The following MYH10 variants were observed in gnomAD, a reference collection of about 807,000 sequenced individuals.
MYH10 encodes the protein myosin heavy chain 10.
Under a neutral mutation model 257.8 loss-of-function variants are expected in MYH10, and 55 were observed. The observed-to-expected ratio is 0.21, with a 90% confidence interval of 0.17 to 0.27. The LOEUF (loss-of-function observed/expected upper bound fraction) is 0.27. Ranked by LOEUF, MYH10 falls within the 10% of genes least tolerant of loss-of-function variation. MYH10 has a pLI of 1.00. For missense variants in MYH10, 1,631 were observed against 2,500.6 expected, an observed-to-expected ratio of 0.65 and a Z score of 7.42; for synonymous variants, 854 against 921.7, an observed-to-expected ratio of 0.93 and a Z score of 1.33.
Position 8,506,546 on chromosome 17 carries a change from A to C in MYH10, c.3215-57T>G. 2 of 1,547,298 alleles carry C rather than the reference A, an allele frequency of 1.3e-6. No homozygotes were observed. Among genetic ancestry groups the C allele is most frequent in the Non-Finnish European group, 1.8e-6 (2 of 1,140,476 alleles). On this transcript the variant is annotated intron_variant, in intron 26 of 42. Transcript: ENST00000360416. This position sits in a 1 kb window ranked among gnomAD's most constrained non-coding sequence, Gnocchi z 5.0. ...ACACCGAGTGACTCACCACAGGAATAAACTAAAATACAGACTGATCCAAGT... is the reference window on the plus strand; with the variant it reads ...ACACCGAGTGACTCACCACAGGAATCAACTAAAATACAGACTGATCCAAGT...
Position 8,490,660 on chromosome 17 carries a change from TC to T in MYH10, c.4672-109del. Reference sequence around the variant, plus strand: ...ACTCGTGGCATGCTGGCCACTTTGGTCCCCCTGGGCCGGCCCCCTGCCACAT... The same window carrying T: ...ACTCGTGGCATGCTGGCCACTTTGGTCCCCTGGGCCGGCCCCCTGCCACAT... On this transcript the variant is annotated intron_variant, in intron 34 of 42. Transcript: ENST00000360416. This position sits in a 1 kb window ranked among gnomAD's most constrained non-coding sequence, Gnocchi z 4.1. 3 of 1,107,922 alleles carry T rather than the reference TC, an allele frequency of 2.7e-6. No individual in the cohort carries two copies. Among genetic ancestry groups the T allele is most frequent in the Non-Finnish European group, 2.7e-6 (2 of 743,524 alleles). The allele number at this position is 1,107,922 out of a possible 1,614,324, so 68.6% of individuals were successfully genotyped here. A position where few individuals can be genotyped will look rare whatever the true frequency, so the allele number is the denominator to read the frequency against.
At chr17:8,544,064 T>G (rs1329763800) in intron 13 of MYH10, among the ~76,000 whole-genome samples, 1 of 152,222 alleles carries the variant, frequency 6.6e-6, no homozygotes, top group Non-Finnish European at 1.5e-5. Flanking sequence ...GATCTTTCCT[T>G]AGTGTATAAA....
At chr17:8,630,352 G>C (rs1423835388) in intron 1 of MYH10, among the ~76,000 whole-genome samples, 1 of 150,498 alleles carries the variant, frequency 6.6e-6, no homozygotes, top group East Asian at 2.0e-4. Flanking sequence ...GCACACCCAG[G>C]CCCTGACCCC....
In MYH10 at chr17:8,475,539, G is replaced by T; in HGVS notation, c.*265C>A. On this transcript the variant is annotated 3_prime_UTR_variant, in exon 43 of 43. Coordinates refer to ENST00000360416, the MANE Select transcript of MYH10 (RefSeq NM_001256012.3). ...GGGTCTTACCATGTTTTATAAAATG[G>T]TCTCTTGATGACTATATGGAAAATA... is the stretch of plus-strand genomic sequence containing the variant. 1 of 377,188 alleles carries T rather than the reference G, an allele frequency of 2.7e-6. No homozygotes were observed. Among genetic ancestry groups the T allele is most frequent in the Non-Finnish European group, 4.8e-6 (1 of 210,504 alleles). The allele number at this position is 377,188 out of a possible 1,614,324, so 23.4% of individuals were successfully genotyped here.
At chr17:8,553,791 G>C (rs1413135650) in intron 8 of MYH10, 164 bp downstream of exon 8, 1 of 568,184 alleles carries the variant, frequency 1.8e-6, no homozygotes, top group Non-Finnish European at 3.2e-6. Context: ...AAACAACTTG[G>C]AGTTAATATT....
intron 13 of MYH10, 55 bp from the exon 14 acceptor site, chr17:8,542,335 A>C: frequency 6.6e-7 from 1 of 1,524,968 alleles, no homozygotes; most frequent in Non-Finnish European, 9.0e-7. Flanking sequence ...GGAAAATGGG[A>C]ATAATTAGTT....
At chr17:8,621,049 T>C (rs11654737) in intron 2 of MYH10, among the ~76,000 whole-genome samples, 3,975 of 152,302 alleles carry the variant, frequency 0.026, 78 homozygotes, top group Middle Eastern at 0.058. Flanking sequence ...CTGTCCTTTC[T>C]TTCATTCCTT....
intron 2 of MYH10, among the ~76,000 whole-genome samples, chr17:8,614,304 C>CTTTTTT (rs1246350327): frequency 6.5e-5 from 7 of 107,232 alleles, no homozygotes; most frequent in East Asian, 2.7e-4. Context: ...AAGCAATTCA[C>CTTTTTT]TTCTTTTTTT....
At chr17:8,480,975 A>T (rs1913660779) in intron 38 of MYH10, among the ~76,000 whole-genome samples, 1 of 1,322 alleles carries the variant, frequency 7.6e-4, no homozygotes, top group Non-Finnish European at 3.0e-3. Context: ...CTTTTAACGA[A>T]AAAATGAATT....
rs1478804304 is a variant in MYH10 at position 8,506,193 on chromosome 17, C to G, written c.3386+125G>C. 1 of 972,906 alleles carries G rather than the reference C, an allele frequency of 1.0e-6. No individual in the cohort carries two copies. The allele number at this position is 972,906 out of a possible 1,614,324, so 60.3% of individuals were successfully genotyped here. A position where few individuals can be genotyped will look rare whatever the true frequency, so the allele number is the denominator to read the frequency against. On this transcript the variant is annotated intron_variant, in intron 27 of 42. Transcript: ENST00000360416. The surrounding 1 kb of genome is among the most constrained non-coding windows in gnomAD (Gnocchi z 5.0). ...GCCTGGGCTTTTCACTTTCTCAGGTCACACCAAACAGCAAGCAAACCCCAT... is the reference window on the plus strand; with the variant it reads ...GCCTGGGCTTTTCACTTTCTCAGGTGACACCAAACAGCAAGCAAACCCCAT...
At chr17:8,510,160 T>A (rs1230728593) in intron 24 of MYH10, among the ~76,000 whole-genome samples, 2 of 151,086 alleles carry the variant, frequency 1.3e-5, no homozygotes, top group African/African-American at 4.9e-5. Flanking sequence ...TGCCTCAGCC[T>A]CCCGAGTAGC....
intron 30 of MYH10, among the ~76,000 whole-genome samples, chr17:8,497,577 G>C (rs987929922): frequency 9.2e-5 from 14 of 151,568 alleles, no homozygotes; most frequent in Non-Finnish European, 1.9e-4. Flanking sequence ...ATCTCTACTA[G>C]AAATGCAAAA....
At chr17:8,625,514 T>C (rs2085642473) in intron 1 of MYH10, among the ~76,000 whole-genome samples, 1 of 151,692 alleles carries the variant, frequency 6.6e-6, no homozygotes. Context: ...AGTTTCACCC[T>C]GTTGCCCAGG....
chr17:8,480,548 A>G, intron 38 of MYH10, 23 bp from the exon 39 acceptor site: 3 of 1,601,448 alleles, frequency 1.9e-6, no homozygotes, highest in Admixed American at 1.7e-5. Flanking sequence ...GGAGGAGGGG[A>G]CGGTTCAATC....
chr17:8,498,034 T>C (rs1437799121), intron 30 of MYH10, among the ~76,000 whole-genome samples: 1 of 131,904 alleles, frequency 7.6e-6, no homozygotes, highest in East Asian at 2.4e-4. Flanking sequence ...CAGGCTGGAG[T>C]GCAGTGGCGT....
intron 35 of MYH10, among the ~76,000 whole-genome samples, chr17:8,488,944 G>A (rs1489984542): frequency 1.3e-5 from 2 of 152,128 alleles, no homozygotes; most frequent in African/African-American, 4.8e-5. Flanking sequence ...TAAAGAGTTG[G>A]AGCATAATCT....
chr17:8,572,340 C>T (rs2083378754), intron 6 of MYH10, among the ~76,000 whole-genome samples: 1 of 151,430 alleles, frequency 6.6e-6, no homozygotes, highest in Non-Finnish European at 1.5e-5. Flanking sequence ...TGGTTGTATC[C>T]CCTGTGCCTA....
At position 8,513,891 on chromosome 17, in the gene MYH10, G is replaced by C; in HGVS notation, c.2508C>G (p.Ala836=). 6.2e-7 allele frequency: 1 copy of C among 1,613,586 alleles called. No homozygotes were observed. The highest frequency in any genetic ancestry group is 8.5e-7 in the Non-Finnish European group (1 of 1,179,718). ...TTAGTTGCTGCTGCTTCTTGGCAAAGGCCCTGAAGAACAATAAGAAAAACT... is the reference window on the plus strand; with the variant it reads ...TTAGTTGCTGCTGCTTCTTGGCAAACGCCCTGAAGAACAATAAGAAAAACT... ...AVCRGYLARK[A]FAKKQQQLSA... is the part of the protein sequence containing the mutation. The change falls in exon 22 of 43, where the codon GCC becomes GCG. Residue 836 remains alanine (A), a synonymous_variant. Coordinates refer to ENST00000360416, the MANE Select transcript of MYH10 (RefSeq NM_001256012.3).
chr17:8,502,089 C>T (rs1157485751), intron 28 of MYH10, among the ~76,000 whole-genome samples: 1 of 152,228 alleles, frequency 6.6e-6, no homozygotes, highest in Non-Finnish European at 1.5e-5. Context: ...ACACTGCTAG[C>T]AAACTTGCTC....
Sources: allele counts gnomAD v4.1 joint callset (sites outside exome capture counted in the v4.1 genomes callset), GRCh38; gene constraint gnomAD v4.1.1; non-coding constraint Gnocchi (gnomAD v3.1); transcripts MANE v1.5; gene names NCBI Gene and HGNC (gene_info 2026-07-23, HGNC 2026-07-21).